The following HTD2 variants were observed in gnomAD, a reference collection of about 807,000 sequenced individuals.
The protein encoded by HTD2 is hydroxyacyl-thioester dehydratase type 2, mitochondrial.
A neutral mutation model predicts 3.1 loss-of-function variants in HTD2; 1 was observed. That is an observed-to-expected ratio of 0.32 (90% CI 0.11 to 1.52). The LOEUF is 1.52. Ranked by LOEUF, HTD2 falls within the 40% of genes most tolerant of loss-of-function variation. The pLI, the probability that HTD2 is intolerant of heterozygous loss-of-function variation, is 0.39. For synonymous variants in HTD2, 50 were observed against 28.9 expected, an observed-to-expected ratio of 1.73 and a Z score of -2.34; for missense variants, 150 against 79.6, an observed-to-expected ratio of 1.88 and a Z score of -3.36.
chr3:58,316,688 T>G, intron 3 of HTD2, 97 bp downstream of exon 3: 1 of 1,151,138 alleles, frequency 8.7e-7, no homozygotes, highest in Non-Finnish European at 1.3e-6. Flanking sequence ...TTTTTTGTTG[T>G]GAACTCTGAG....
At chr3:58,315,575 C>A (rs1352871494) in intron 2 of HTD2, 1 of 152,198 alleles carries the variant, frequency 6.6e-6, no homozygotes, top group African/African-American at 2.4e-5. Flanking sequence ...TGTACCAATA[C>A]CAGTTTTGTA....
At chr3:58,310,047 A>C in intron 1 of HTD2, 1 of 378,420 alleles carries the variant, frequency 2.6e-6, no homozygotes. Context: ...AAAAAATACA[A>C]AAATCTGCTG....
At chr3:58,311,492 T>G (rs1015011411) in intron 2 of HTD2, among the ~76,000 whole-genome samples, 81 of 152,196 alleles carry the variant, frequency 5.3e-4, no homozygotes, top group Non-Finnish European at 5.9e-4. Context: ...AGTGAGAACA[T>G]GCAACAGTTG....
chr3:58,312,203 A>G (rs2097482967), intron 2 of HTD2, among the ~76,000 whole-genome samples: 1 of 152,202 alleles, frequency 6.6e-6, no homozygotes, highest in Non-Finnish European at 1.5e-5. Context: ...CAGTGGTTGT[A>G]CATTTACATT....
chr3:58,312,315 G>A (rs986511996), intron 2 of HTD2, among the ~76,000 whole-genome samples: 2 of 144,352 alleles, frequency 1.4e-5, no homozygotes, highest in Non-Finnish European at 3.0e-5. Context: ...AGGCTGGAGT[G>A]CAGTGGCACA....
At chr3:58,316,742 C>A in intron 3 of HTD2, 151 bp downstream of exon 3, 1 of 879,518 alleles carries the variant, frequency 1.1e-6, no homozygotes. Context: ...AACATTCATC[C>A]ACCAGAAACT....
At chr3:58,308,914 G>A (rs2097478807) in intron 1 of HTD2, among the ~76,000 whole-genome samples, 1 of 152,254 alleles carries the variant, frequency 6.6e-6, no homozygotes, top group African/African-American at 2.4e-5. Context: ...CAGAGGGAGA[G>A]CAAGGTTGGC....
Position 58,317,798 on chromosome 3 carries a change from A to C in HTD2, c.185A>C (p.Asp62Ala). ...DVATFSELTG[D>A]VNPLHLNEDF... ...GCTACCTTCTCAGAATTAACAGGGG[A>C]TGTCAATCCTTTGCATTTGAATGAA... Residue 62 changes from aspartate (D) to alanine (A), a missense_variant, in exon 5 of 5, where the codon GAT (aspartate) becomes GCT (alanine). Physicochemically the swap from Asp to Ala is moderately radical, Grantham distance 126. Transcript: ENST00000461393. 1.4e-6 allele frequency: 1 copy of C among 703,066 alleles called. No individual in the cohort carries two copies. The highest frequency in any genetic ancestry group is 1.7e-5 in the African/African-American group (1 of 57,366). The allele number at this position is 703,066 out of a possible 1,614,324, so 43.6% of individuals were successfully genotyped here.
chr3:58,314,033 T>C (rs2097485218), intron 2 of HTD2, among the ~76,000 whole-genome samples: 1 of 152,088 alleles, frequency 6.6e-6, no homozygotes, highest in Non-Finnish European at 1.5e-5. Context: ...TGCAGCCTGG[T>C]CAACAGAACA....
At chr3:58,317,016 T>C (rs1398631636) in intron 4 of HTD2, 23 bp downstream of exon 4, 1 of 1,571,272 alleles carries the variant, frequency 6.4e-7, no homozygotes, top group African/African-American at 1.4e-5. Flanking sequence ...CCCTCACATA[T>C]TCCAAACAAG....
rs2097492198 is a variant in HTD2, at chr3:58,319,514, C to G, written c.*1394C>G. 6.6e-6 allele frequency: 1 copy of G among 152,082 alleles called. No individual in the cohort carries two copies. The highest frequency in any genetic ancestry group is 1.5e-5 in the Non-Finnish European group (1 of 68,016). The allele number at this position is 152,082 out of a possible 1,614,324, so 9.4% of individuals were successfully genotyped here. ...AGTTAAACGTAACAGACCAGTTTTT[C>G]AGGGTGTCAGCCAACCTCTATTAGT... On this transcript the variant is annotated 3_prime_UTR_variant, in exon 5 of 5. Coordinates refer to ENST00000461393, the MANE Select transcript of HTD2 (RefSeq NM_001348712.2).
intron 2 of HTD2, among the ~76,000 whole-genome samples, chr3:58,316,042 A>T (rs1321088079): frequency 6.6e-6 from 1 of 152,214 alleles, no homozygotes; most frequent in Non-Finnish European, 1.5e-5. Flanking sequence ...AATTTTAAAA[A>T]AAAATATCCC....
chr3:58,317,076 C>T, intron 4 of HTD2, 83 bp downstream of exon 4: 7 of 996,886 alleles, frequency 7.0e-6, no homozygotes, highest in Non-Finnish European at 1.1e-5. Flanking sequence ...CATTTTTGTG[C>T]TTGCATAAAT....
rs2097491754 is a variant in HTD2, at chr3:58,319,167, CAATG to C, written c.*1051_*1054del. On this transcript the variant is annotated 3_prime_UTR_variant, in exon 5 of 5. Transcript: ENST00000461393. ...TCATCTTTGAACACCTACCTTTTAT[CAATG>C]AATATTTTTAGACTGTTCTTCAGTA... is the stretch of plus-strand genomic sequence containing the variant. 6.6e-6 allele frequency: 1 copy of C among 152,178 alleles called. No homozygotes were observed. Among genetic ancestry groups the C allele is most frequent in the East Asian group, 1.9e-4 (1 of 5,200 alleles). 9.4% of individuals were successfully genotyped at this position (152,178 alleles called of 1,614,324 possible).
At chr3:58,316,443 G>T in intron 2 of HTD2, 72 bp from the exon 3 acceptor site, 1 of 1,362,896 alleles carries the variant, frequency 7.3e-7, no homozygotes, top group Non-Finnish European at 1.0e-6. Context: ...AAACTCATTT[G>T]TTGTCAAAAG....
chr3:58,315,244 G>C (rs367586059), intron 2 of HTD2, among the ~76,000 whole-genome samples: 8 of 152,250 alleles, frequency 5.3e-5, no homozygotes, highest in African/African-American at 1.9e-4. Context: ...CAATATGAAT[G>C]AATCTCCAGA....
chr3:58,310,475 A>G (rs2097480931), intron 1 of HTD2, 32 bp from the exon 2 acceptor site: 1 of 1,586,972 alleles, frequency 6.3e-7, no homozygotes, highest in African/African-American at 1.4e-5. Context: ...AATGAAATTT[A>G]ATATGACTTT....
rs910144971 is a variant in HTD2 at position 58,310,112 on chromosome 3, A to G, written c.-415-395A>G. The G allele has an allele frequency of 5.5e-6, 3 of 550,370 alleles. No individual in the cohort carries two copies. In the African/African-American group the frequency reaches 5.7e-5, roughly 10 times the overall value. 34.1% of individuals were successfully genotyped at this position (550,370 alleles called of 1,614,324 possible). On this transcript the variant is annotated intron_variant, in intron 1 of 4. Coordinates refer to ENST00000461393, the MANE Select transcript of HTD2 (RefSeq NM_001348712.2). Reference sequence around the variant, plus strand: ...CTACTCAGGAGTCTGAGGCAGGAGGATCACCTGAGCCTCGAGAGCCAGAGG... The same window carrying G: ...CTACTCAGGAGTCTGAGGCAGGAGGGTCACCTGAGCCTCGAGAGCCAGAGG...
chr3:58,311,131 TAC>T (rs1168308713), intron 2 of HTD2, among the ~76,000 whole-genome samples: 1 of 110,308 alleles, frequency 9.1e-6, no homozygotes, highest in Non-Finnish European at 1.8e-5. Context: ...TCATGAAATC[TAC>T]TTTTTGTTGT....
Sources: allele counts gnomAD v4.1 joint callset (sites outside exome capture counted in the v4.1 genomes callset), GRCh38; gene constraint gnomAD v4.1.1; transcripts MANE v1.5; gene names NCBI Gene and HGNC (gene_info 2026-07-23, HGNC 2026-07-21).